Variants in NAALADL2 observed in about 807,000 individuals in gnomAD.
The protein encoded by NAALADL2 is inactive N-acetylated-alpha-linked acidic dipeptidase-like protein 2.
In NAALADL2, 76 loss-of-function variants were observed where a neutral mutation model predicts 87.2. The ratio of observed to expected loss-of-function variants is 0.87; its 90% CI spans 0.72 to 1.05. The LOEUF is 1.05. Among genes scored for constraint, NAALADL2 ranks in the 50% least tolerant of loss-of-function variants. The probability of loss-of-function intolerance (pLI) is 0.00; values close to 1 mark genes in which losing one functional copy is unlikely to be tolerated. For synonymous variants in NAALADL2, 354 were observed against 331.0 expected (o/e 1.07, Z -0.75); for missense variants, 1,089 against 945.8 (o/e 1.15, Z -1.99).
intron 2 of NAALADL2, among the ~76,000 whole-genome samples, chr3:175,133,168 G>A (rs1251459886): frequency 1.3e-5 from 2 of 151,724 alleles, no homozygotes; most frequent in Admixed American, 6.6e-5. Context: ...TGGGATGGCC[G>A]CCGGGAAGAG....
At chr3:175,553,890 G>C (rs1331232085) in intron 9 of NAALADL2, among the ~76,000 whole-genome samples, 2 of 151,908 alleles carry the variant, frequency 1.3e-5, no homozygotes, top group African/African-American at 4.8e-5. Flanking sequence ...TACAAGATAG[G>C]GGCTTTTATG....
intron 13 of NAALADL2, among the ~76,000 whole-genome samples, chr3:175,795,249 A>G (rs1753315123): frequency 1.3e-5 from 2 of 152,196 alleles, no homozygotes; most frequent in Admixed American, 6.5e-5. Flanking sequence ...CTGTGAACAG[A>G]TTTTTAAACT....
chr3:174,553,845 A>G (rs555797414), intron 2 of NAALADL2, among the ~76,000 whole-genome samples: 1 of 152,152 alleles, frequency 6.6e-6, no homozygotes, highest in East Asian at 1.9e-4. Flanking sequence ...TCCATTGTAC[A>G]TTCATTTTAG....
chr3:174,581,068 A>G (rs1716114221), intron 2 of NAALADL2, among the ~76,000 whole-genome samples: 1 of 152,110 alleles, frequency 6.6e-6, no homozygotes, highest in African/African-American at 2.4e-5. Flanking sequence ...GGCTTTGCAT[A>G]GAATGATGGC....
At chr3:175,166,652 C>T (rs1473813090) in intron 2 of NAALADL2, among the ~76,000 whole-genome samples, 3 of 151,908 alleles carry the variant, frequency 2.0e-5, no homozygotes, top group Non-Finnish European at 4.4e-5. Context: ...CTAAAAGGCC[C>T]TCTCTCCCTA....
Position 175,465,473 on chromosome 3 carries a change from C to CTTTTTTTTTTTTTTTTTTTTTTTTTTT in NAALADL2, c.1328-1487_1328-1486insTTTTTTTTTTTTTTTTTTTTTTTTTTT, listed in dbSNP as rs71164634. ...ACACTATGTATACCATGAATTAAAT[C>CTTTTTTTTTTTTTTTTTTTTTTTTTTT]TTTTTTTTTTTTTTTTTTTGAGATG... On this transcript the variant is annotated intron_variant, in intron 7 of 13. Transcript: ENST00000454872. 2.8e-4 allele frequency among the ~76,000 whole-genome samples: 30 copies of CTTTTTTTTTTTTTTTTTTTTTTTTTTT among 106,738 alleles called. 1 individual carries two copies. The highest frequency in any genetic ancestry group is 1.6e-3 in the East Asian group (5 of 3,052). 70.0% of individuals were successfully genotyped at this position (106,738 alleles called of 152,430 possible).
intron 1 of NAALADL2, among the ~76,000 whole-genome samples, chr3:174,542,521 C>G (rs1722335583): frequency 1.3e-5 from 2 of 152,174 alleles, no homozygotes; most frequent in Non-Finnish European, 2.9e-5. Context: ...CTGGAAGACA[C>G]AAACTATAGT....
chr3:175,405,316 C>T (rs1312181569), intron 5 of NAALADL2, among the ~76,000 whole-genome samples: 1 of 151,984 alleles, frequency 6.6e-6, no homozygotes, highest in Non-Finnish European at 1.5e-5. Flanking sequence ...TGGTGGTGTT[C>T]AGGTAGATAC....
At chr3:175,277,361 C>G (rs1313170140) in intron 4 of NAALADL2, among the ~76,000 whole-genome samples, 1 of 152,156 alleles carries the variant, frequency 6.6e-6, no homozygotes. Context: ...GAGCAATAAA[C>G]TGTATCATGA....
At chr3:174,912,698 T>C (rs1733864807) in intron 1 of NAALADL2, among the ~76,000 whole-genome samples, 2 of 152,142 alleles carry the variant, frequency 1.3e-5, no homozygotes, top group African/African-American at 4.8e-5. Context: ...CTAGATAGAA[T>C]AAAATAAGAC....
intron 2 of NAALADL2, among the ~76,000 whole-genome samples, chr3:175,178,497 G>A (rs937530538): frequency 2.0e-5 from 3 of 151,918 alleles, no homozygotes; most frequent in African/African-American, 7.2e-5. Context: ...GATCACGTGA[G>A]TTTATTACAG....
At chr3:175,459,409 G>T (rs1471881434) in intron 6 of NAALADL2, among the ~76,000 whole-genome samples, 1 of 151,822 alleles carries the variant, frequency 6.6e-6, no homozygotes, top group African/African-American at 2.4e-5. Context: ...TAGATCCAGA[G>T]AGGCGTAGAA....
chr3:175,318,470 G>A (rs1366515540), intron 4 of NAALADL2, among the ~76,000 whole-genome samples: 4 of 152,000 alleles, frequency 2.6e-5, no homozygotes, highest in Middle Eastern at 3.4e-3. Context: ...GCTGTCCAGC[G>A]AAGTTTTTAT....
At chr3:175,509,314 A>G (rs1467087915) in intron 9 of NAALADL2, among the ~76,000 whole-genome samples, 1 of 152,140 alleles carries the variant, frequency 6.6e-6, no homozygotes, top group African/African-American at 2.4e-5. Context: ...ACTTCCTACC[A>G]TCAGACTTGC....
At chr3:175,081,526 C>A (rs1022394682) in intron 1 of NAALADL2, among the ~76,000 whole-genome samples, 1 of 152,088 alleles carries the variant, frequency 6.6e-6, no homozygotes, top group Non-Finnish European at 1.5e-5. Flanking sequence ...CATATGAAGA[C>A]CCCCTTCTTA....
intron 5 of NAALADL2, among the ~76,000 whole-genome samples, chr3:175,330,940 A>G (rs867147002): frequency 4.1e-5 from 6 of 145,564 alleles, no homozygotes; most frequent in South Asian, 4.1e-4. Flanking sequence ...AGGCCCAAAT[A>G]AACAAAATCA....
intron 1 of NAALADL2, among the ~76,000 whole-genome samples, chr3:174,454,977 A>T (rs1715736761): frequency 6.6e-6 from 1 of 151,852 alleles, no homozygotes; most frequent in South Asian, 2.1e-4. Flanking sequence ...AATATTACTA[A>T]AATAGGCCCC....
At chr3:174,822,031 T>G (rs1349546941) in intron 3 of NAALADL2, among the ~76,000 whole-genome samples, 4 of 152,192 alleles carry the variant, frequency 2.6e-5, no homozygotes, top group Non-Finnish European at 5.9e-5. Context: ...TGTATATATT[T>G]AAATTATCTG....
At position 175,667,229 on chromosome 3, in the gene NAALADL2, AAGAAAGAAAGAAAAAGAAAG is replaced by A. The variant is rs1261138049; in HGVS notation, c.1896+39845_1896+39864del. 2.6e-4 allele frequency among the ~76,000 whole-genome samples: 31 copies of A among 117,090 alleles called. 1 individual carries two copies. Among genetic ancestry groups the A allele is most frequent in the Middle Eastern group, 4.5e-3 (1 of 224 alleles). 76.8% of individuals were successfully genotyped at this position (117,090 alleles called of 152,430 possible). A position where few individuals can be genotyped will look rare whatever the true frequency, so the allele number is the denominator to read the frequency against. ...AAAGAAAGAAAGAAAGAAAGAAAGA[AAGAAAGAAAGAAAAAGAAAG>A]AAAGAAAGAAAGAAAGGAAGGAAGG... On this transcript the variant is annotated intron_variant, in intron 11 of 13. Transcript: ENST00000454872.
Sources: allele counts gnomAD v4.1 joint callset (sites outside exome capture counted in the v4.1 genomes callset), GRCh38; gene constraint gnomAD v4.1.1; transcripts MANE v1.5; gene names NCBI Gene and HGNC (gene_info 2026-07-23, HGNC 2026-07-21).